Variants in SGCZ observed in about 807,000 individuals in gnomAD.
SGCZ encodes zeta-sarcoglycan.
SGCZ carries 40 observed loss-of-function variants against 41.3 expected under a neutral mutation model. The ratio of observed to expected loss-of-function variants is 0.97; its 90% CI spans 0.75 to 1.26. The LOEUF (loss-of-function observed/expected upper bound fraction) is 1.26, where lower values mean the gene tolerates loss of function less well. Ranked by LOEUF, SGCZ falls within the 50% of genes most tolerant of loss-of-function variation. The probability of loss-of-function intolerance (pLI) is 0.00; values close to 1 mark genes in which losing one functional copy is unlikely to be tolerated. For synonymous variants in SGCZ, 206 were observed against 137.5 expected (o/e 1.50, Z -3.49); for missense variants, 552 against 369.8 (o/e 1.49, Z -4.04).
intron 1 of SGCZ, among the ~76,000 whole-genome samples, chr8:14,899,390 A>G (rs1488294323): frequency 6.6e-6 from 1 of 152,160 alleles, no homozygotes; most frequent in Non-Finnish European, 1.5e-5. Context: ...GACTATTCTG[A>G]CCTTAAAGAT....
At chr8:14,975,922 A>G (rs994642455) in intron 1 of SGCZ, among the ~76,000 whole-genome samples, 4 of 147,142 alleles carry the variant, frequency 2.7e-5, no homozygotes, top group African/African-American at 5.0e-5. Flanking sequence ...ATATCTAAAC[A>G]TTGTTTATAT....
intron 1 of SGCZ, among the ~76,000 whole-genome samples, chr8:15,142,908 C>A (rs1269378644): frequency 6.6e-6 from 1 of 152,104 alleles, no homozygotes; most frequent in African/African-American, 2.4e-5. Flanking sequence ...CCGTGCCCAG[C>A]CAAAAATGCT....
At chr8:15,045,719 T>G (rs1222486316) in intron 1 of SGCZ, among the ~76,000 whole-genome samples, 1 of 152,090 alleles carries the variant, frequency 6.6e-6, no homozygotes, top group Non-Finnish European at 1.5e-5. Flanking sequence ...GATTCTCTCA[T>G]CAGAGTTGAA....
intron 1 of SGCZ, among the ~76,000 whole-genome samples, chr8:15,036,715 T>C (rs1181768381): frequency 6.6e-6 from 1 of 151,994 alleles, no homozygotes; most frequent in Non-Finnish European, 1.5e-5. Flanking sequence ...GAGGAGGAAA[T>C]GCTTCCAAAC....
intron 3 of SGCZ, among the ~76,000 whole-genome samples, chr8:14,296,195 A>T (rs1563241718): frequency 1.3e-5 from 2 of 152,142 alleles, no homozygotes; most frequent in African/African-American, 2.4e-5. Flanking sequence ...TCCTGCAAAA[A>T]CCAAAGCCAA....
At chr8:14,641,620 T>C (rs190735832) in intron 1 of SGCZ, among the ~76,000 whole-genome samples, 1 of 151,826 alleles carries the variant, frequency 6.6e-6, no homozygotes, top group East Asian at 1.9e-4. Flanking sequence ...ACTCAAGTAT[T>C]ATTTATTCAC....
chr8:14,786,692 T>C (rs1239043242), intron 1 of SGCZ, among the ~76,000 whole-genome samples: 2 of 152,088 alleles, frequency 1.3e-5, no homozygotes, highest in South Asian at 2.1e-4. Flanking sequence ...TGGAGTTTAA[T>C]TGGAGTTTAT....
intron 1 of SGCZ, among the ~76,000 whole-genome samples, chr8:14,651,309 T>A (rs1481206594): frequency 6.6e-6 from 1 of 152,198 alleles, no homozygotes; most frequent in Admixed American, 6.5e-5. Flanking sequence ...ATTTTTAACA[T>A]ATTATTTCCT....
At chr8:14,106,580 G>A (rs1055885736) in intron 6 of SGCZ, among the ~76,000 whole-genome samples, 8 of 151,482 alleles carry the variant, frequency 5.3e-5, no homozygotes, top group African/African-American at 2.0e-4. Context: ...CTGTTGTAAA[G>A]TATGGTTTCG....
chr8:14,290,060 C>CATGG (rs946538860), intron 3 of SGCZ, among the ~76,000 whole-genome samples: 1 of 152,036 alleles, frequency 6.6e-6, no homozygotes, highest in African/African-American at 2.4e-5. Context: ...ATGACCCAGT[C>CATGG]ACCTCCCACC....
At chr8:14,301,312 A>G (rs973849766) in intron 3 of SGCZ, among the ~76,000 whole-genome samples, 3 of 152,022 alleles carry the variant, frequency 2.0e-5, no homozygotes, top group African/African-American at 4.8e-5. Flanking sequence ...GTTTTCTGAT[A>G]AAAGTATAGG....
intron 1 of SGCZ, among the ~76,000 whole-genome samples, chr8:14,584,439 C>A (rs117597943): frequency 6.6e-6 from 1 of 151,926 alleles, no homozygotes; most frequent in East Asian, 1.9e-4. Flanking sequence ...ATAAATAATG[C>A]ATGTTTAACA....
chr8:14,867,848 T>C (rs1315565563), intron 1 of SGCZ, among the ~76,000 whole-genome samples: 1 of 150,644 alleles, frequency 6.6e-6, no homozygotes, highest in Non-Finnish European at 1.5e-5. Context: ...AAATAATCTG[T>C]ACAACAAACC....
chr8:14,569,235 A>G (rs1243301841), intron 1 of SGCZ, among the ~76,000 whole-genome samples: 2 of 152,192 alleles, frequency 1.3e-5, no homozygotes, highest in African/African-American at 2.4e-5. Flanking sequence ...CAGTATTTTA[A>G]TTCATTGCAG....
chr8:14,276,393 C>T (rs79488439), intron 3 of SGCZ, among the ~76,000 whole-genome samples: 33 of 152,206 alleles, frequency 2.2e-4, no homozygotes, highest in African/African-American at 7.9e-4. Context: ...CATTCGATAT[C>T]AGGGTTTCAT....
intron 2 of SGCZ, among the ~76,000 whole-genome samples, chr8:14,348,937 T>TA (rs1802990163): frequency 6.6e-6 from 1 of 152,180 alleles, no homozygotes; most frequent in Non-Finnish European, 1.5e-5. Flanking sequence ...TATAGAATTT[T>TA]ACAAAATTTA....
chr8:14,473,649 A>T (rs1197965611), intron 2 of SGCZ, among the ~76,000 whole-genome samples: 1 of 152,146 alleles, frequency 6.6e-6, no homozygotes, highest in African/African-American at 2.4e-5. Context: ...GTAAAAAATG[A>T]AAAAGCGGCC....
intron 3 of SGCZ, among the ~76,000 whole-genome samples, chr8:14,256,394 T>C (rs1387767930): frequency 3.3e-5 from 5 of 152,124 alleles, no homozygotes; most frequent in East Asian, 1.9e-4. Flanking sequence ...GGAAGATCCC[T>C]AGATGGAACT....
intron 1 of SGCZ, among the ~76,000 whole-genome samples, chr8:14,646,867 T>C (rs1171585046): frequency 1.7e-4 from 26 of 151,946 alleles, no homozygotes; most frequent in Admixed American, 1.7e-3. Flanking sequence ...GAGACCCTTT[T>C]CTAAGGATTT....
Sources: gnomAD v4.1 joint callset for allele counts (sites outside exome capture counted in the v4.1 genomes callset) on GRCh38, gnomAD v4.1.1 for gene constraint, MANE v1.5 for transcripts, NCBI Gene and HGNC (gene_info 2026-07-23, HGNC 2026-07-21) for gene names.